Variants in PKHD1 observed in about 807,000 individuals in gnomAD.
The protein encoded by PKHD1 is fibrocystin.
A neutral mutation model predicts 412.0 loss-of-function variants in PKHD1; 291 were observed. That is an observed-to-expected ratio of 0.71 (90% CI 0.64 to 0.78). The LOEUF (loss-of-function observed/expected upper bound fraction) is 0.78, where lower values mean the gene tolerates loss of function less well. Ranked by LOEUF, PKHD1 falls within the 30% of genes least tolerant of loss-of-function variation. The pLI, the probability that PKHD1 is intolerant of heterozygous loss-of-function variation, is 0.00. For synonymous variants in PKHD1, 1,777 were observed against 1,821.5 expected (o/e 0.98, Z 0.62); for missense variants, 4,825 against 4,950.7 (o/e 0.97, Z 0.76).
At chr6:51,726,775 T>C (rs1782622946) in intron 60 of PKHD1, among the ~76,000 whole-genome samples, 1 of 152,224 alleles carries the variant, frequency 6.6e-6, no homozygotes. Flanking sequence ...GTCTTACTTT[T>C]TTTATTTCAA....
chr6:52,026,553 T>C (rs1802216675), intron 31 of PKHD1, among the ~76,000 whole-genome samples: 1 of 152,222 alleles, frequency 6.6e-6, no homozygotes, highest in Admixed American at 6.5e-5. Context: ...CTGTATGCTA[T>C]ATATAGACTA....
intron 35 of PKHD1, among the ~76,000 whole-genome samples, chr6:51,981,317 C>CTCCG (rs1795149054): frequency 1.4e-4 from 2 of 13,856 alleles, no homozygotes; most frequent in African/African-American, 4.4e-4. Context: ...CAAGCTCTCC[C>CTCCG]TCTCCCTCTC....
chr6:51,771,040 G>A (rs190246279), intron 55 of PKHD1, among the ~76,000 whole-genome samples: 7 of 152,094 alleles, frequency 4.6e-5, no homozygotes, highest in East Asian at 1.9e-4. Context: ...CAGTTCTTCC[G>A]TACTTTACAA....
In PKHD1 at chr6:51,627,121, A is replaced by G; in HGVS notation, c.11666-5T>C. The stretch of plus-strand genomic sequence containing the variant: ...GAATCTCTTCAGGTTTTGTTTCTGT[A>G]TTAATGGAGAAGAAAAAGGATTTTT... On this transcript the variant is annotated splice_region_variant and splice_polypyrimidine_tract_variant and intron_variant, in intron 65 of 66. Coordinates refer to ENST00000371117, the MANE Select transcript of PKHD1 (RefSeq NM_138694.4). 6.2e-7 allele frequency: 1 copy of G among 1,610,456 alleles called. No homozygotes were observed. The highest frequency in any genetic ancestry group is 8.5e-7 in the Non-Finnish European group (1 of 1,177,492).
chr6:51,982,371 G>C (rs1288548126), intron 35 of PKHD1, among the ~76,000 whole-genome samples: 1 of 117,828 alleles, frequency 8.5e-6, no homozygotes, highest in African/African-American at 2.8e-5. Flanking sequence ...ATAGAAAGGC[G>C]GGAAGGGTGG....
In PKHD1 at chr6:51,883,134, A is replaced by T; in HGVS notation, c.7309T>A (p.Ser2437Thr). ...IDVLESDANT[S>T]VTDSLLLGHF... ...CCAAGTAATAAGCTGTCAGTAACTG[A>T]AGTATTTGCATCACTTTCCAAGACG... The change falls in exon 46 of 67, where the codon TCA becomes ACA. Residue 2437 changes from serine (S) to threonine (T), a missense_variant. Transcript: ENST00000371117. 1 of 1,612,960 alleles carries T rather than the reference A, an allele frequency of 6.2e-7. No homozygotes were observed. Among genetic ancestry groups the T allele is most frequent in the Non-Finnish European group, 8.5e-7 (1 of 1,179,006 alleles).
In PKHD1 at chr6:51,989,959, A is replaced by AGAAGGAAGGAAGGAAGGAAG. The variant is rs769016813; in HGVS notation, c.5751+20330_5751+20349dup. Reference sequence around the variant, plus strand: ...AAGAAGGAAGGAAGAAAGGAAGGAAAGAAGGAAGGAAGGAAGGAAGGAAGG... The same window carrying AGAAGGAAGGAAGGAAGGAAG: ...AAGAAGGAAGGAAGAAAGGAAGGAAAGAAGGAAGGAAGGAAGGAAGGAAGGAAGGAAGGAAGGAAGGAAGG... On this transcript the variant is annotated intron_variant, in intron 35 of 66. Coordinates refer to ENST00000371117, the MANE Select transcript of PKHD1 (RefSeq NM_138694.4). Among the ~76,000 whole-genome samples, 7 of 36,540 alleles carry AGAAGGAAGGAAGGAAGGAAG rather than the reference A, an allele frequency of 1.9e-4. 2 individuals carry two copies. The highest frequency in any genetic ancestry group is 8.0e-4 in the Admixed American group (3 of 3,754). The allele number at this position is 36,540 out of a possible 152,430, so 24.0% of individuals were successfully genotyped here.
chr6:51,830,984 T>A lies in PKHD1; in HGVS notation c.8179A>T (p.Thr2727Ser). ...EGMPPTISAS[T>S]SAPESALKWS... ...TTTAAAGCTGATTCAGGGGCAGAGG[T>A]AGAAGCTAGAAAATAAAAAAAAATT... is the stretch of plus-strand genomic sequence containing the variant. The change falls in exon 52 of 67, where the codon ACC (threonine) becomes TCC (serine). Residue 2727 changes from threonine (T) to serine (S), a missense_variant. By Grantham distance (58) the Thr-to-Ser change is moderately conservative. Coordinates refer to ENST00000371117, the MANE Select transcript of PKHD1 (RefSeq NM_138694.4). The A allele has an allele frequency of 6.2e-7, 1 of 1,611,296 alleles. No individual in the cohort carries two copies. Among genetic ancestry groups the A allele is most frequent in the South Asian group, 1.1e-5 (1 of 91,020 alleles).
At chr6:51,735,074 C>T (rs1472507988) in intron 60 of PKHD1, among the ~76,000 whole-genome samples, 2 of 151,978 alleles carry the variant, frequency 1.3e-5, no homozygotes, top group African/African-American at 2.4e-5. Context: ...TTAAAGTAGT[C>T]GACAGTTACT....
intron 60 of PKHD1, among the ~76,000 whole-genome samples, 174 bp downstream of exon 60, chr6:51,744,211 A>G (rs555380261): frequency 1.9e-4 from 25 of 131,808 alleles, no homozygotes; most frequent in African/African-American, 6.1e-4. Context: ...GTGAGATCAC[A>G]TAATGACTCA....
Position 51,919,629 on chromosome 6 carries a change from C to T in PKHD1, c.6122-7053G>A, listed in dbSNP as rs1266878. Among the ~76,000 whole-genome samples the T allele has an allele frequency of 3.6e-3, 543 of 152,166 alleles. 1 individual carries two copies. Among genetic ancestry groups the T allele is most frequent in the African/African-American group, 0.012 (516 of 41,522 alleles). ...AAATGCAGGCTCTTTTTTGGTTCCACGTGAACTTTAAAGAAGTTTTTTCCA... is the reference window on the plus strand; with the variant it reads ...AAATGCAGGCTCTTTTTTGGTTCCATGTGAACTTTAAAGAAGTTTTTTCCA... On this transcript the variant is annotated intron_variant, in intron 37 of 66. Coordinates refer to ENST00000371117, the MANE Select transcript of PKHD1 (RefSeq NM_138694.4).
chr6:52,025,417 C>T lies in PKHD1; in HGVS notation c.4393G>A (p.Val1465Ile). The change falls in exon 32 of 67, where the codon GTC (valine) becomes ATC (isoleucine). Residue 1465 changes from valine (V) to isoleucine (I), a missense_variant. By Grantham distance (29) the Val-to-Ile change is conservative (BLOSUM62 3). Transcript: ENST00000371117. Reference protein sequence around the residue: ...ASFSLNVTVLVNGLTSECQGN... With the variant: ...ASFSLNVTVLINGLTSECQGN... ...TGACACTCGCTGGTTAGCCCATTGA[C>T]CAGGACTGTGACGTTCAGGGAGAAG... 1 of 1,609,064 alleles carries T rather than the reference C, an allele frequency of 6.2e-7. No homozygotes were observed. Among genetic ancestry groups the T allele is most frequent in the Non-Finnish European group, 8.5e-7 (1 of 1,176,784 alleles).
intron 60 of PKHD1, among the ~76,000 whole-genome samples, chr6:51,684,706 A>T (rs1777186619): frequency 6.6e-6 from 1 of 152,142 alleles, no homozygotes; most frequent in South Asian, 2.1e-4. Context: ...CTAGGGATTC[A>T]CAGCTTTACT....
In PKHD1 at chr6:51,643,209, G is replaced by A. The variant is rs1013063054; in HGVS notation, c.11399-4253C>T. On this transcript the variant is annotated intron_variant, in intron 63 of 66. Transcript: ENST00000371117. ...ATGACAGCATCAAAACAGGCAGTTC[G>A]AAATGCAATTCTGAATCTTTCATCT... Among the ~76,000 whole-genome samples, 9 of 152,096 alleles carry A rather than the reference G, an allele frequency of 5.9e-5. No homozygotes were observed. The South Asian group carries it at 6.2e-4, about 11-fold the overall frequency.
At chr6:51,940,611 TCTGA>T (rs1343002892) in intron 36 of PKHD1, among the ~76,000 whole-genome samples, 1 of 151,726 alleles carries the variant, frequency 6.6e-6, no homozygotes, top group East Asian at 1.9e-4. Context: ...CCCAAGGCTC[TCTGA>T]CTGACTCCTT....
chr6:51,835,344 C>A (rs909223550), intron 51 of PKHD1, among the ~76,000 whole-genome samples: 13 of 152,204 alleles, frequency 8.5e-5, no homozygotes, highest in African/African-American at 3.1e-4. Context: ...CAAATCAAAT[C>A]TCTCCTTGGA....
intron 37 of PKHD1, 84 bp from the exon 38 acceptor site, chr6:51,912,660 T>G: frequency 2.1e-6 from 2 of 970,266 alleles, no homozygotes; most frequent in Non-Finnish European, 3.3e-6. Flanking sequence ...AAATGTGATG[T>G]TATTTAGCCA....
At position 52,053,172 on chromosome 6, in the gene PKHD1, G is replaced by A. The variant is rs1807145799; in HGVS notation, c.2044C>T (p.Pro682Ser). 6.2e-7 allele frequency: 1 copy of A among 1,614,054 alleles called. No homozygotes were observed. Among genetic ancestry groups the A allele is most frequent in the Non-Finnish European group, 8.5e-7 (1 of 1,180,002 alleles). The change falls in exon 21 of 67, where the codon CCA becomes TCA. Residue 682 changes from proline (P) to serine (S), a missense_variant. Coordinates refer to ENST00000371117, the MANE Select transcript of PKHD1 (RefSeq NM_138694.4). ...GDLQPPPANS[P>S]VLVHQINLLP... ...AGGTTGATCTGATGAACCAGCACTGGGGAGTTTGCCGGAGGGGGCTGGAGA... is the reference window on the plus strand; with the variant it reads ...AGGTTGATCTGATGAACCAGCACTGAGGAGTTTGCCGGAGGGGGCTGGAGA...
intron 35 of PKHD1, among the ~76,000 whole-genome samples, chr6:52,009,380 T>C (rs1799516226): frequency 6.6e-6 from 1 of 152,172 alleles, no homozygotes; most frequent in South Asian, 2.1e-4. Context: ...AGAACACACA[T>C]TTTGAAGCCA....
Sources: gnomAD v4.1 joint callset for allele counts (sites outside exome capture counted in the v4.1 genomes callset) on GRCh38, gnomAD v4.1.1 for gene constraint, MANE v1.5 for transcripts, NCBI Gene and HGNC (gene_info 2026-07-23, HGNC 2026-07-21) for gene names.